Variants in SYT16 observed in about 807,000 individuals in gnomAD.
SYT16 encodes synaptotagmin 16, also known as synaptotagmin-16.
Under a neutral mutation model 61.4 loss-of-function variants are expected in SYT16, and 42 were observed. The ratio of observed to expected loss-of-function variants is 0.68; its 90% CI spans 0.53 to 0.89. SYT16 has a LOEUF of 0.89. Among genes scored for constraint, SYT16 ranks in the 40% least tolerant of loss-of-function variants. The probability of loss-of-function intolerance (pLI) is 0.00; values close to 1 mark genes in which losing one functional copy is unlikely to be tolerated. For missense variants in SYT16, 804 were observed against 807.3 expected, an observed-to-expected ratio of 1.00 and a Z score of 0.05; for synonymous variants, 314 against 302.3, an observed-to-expected ratio of 1.04 and a Z score of -0.40.
At chr14:61,850,516 T>A (rs1357566569) in intron 1 of SYT16, among the ~76,000 whole-genome samples, 1 of 152,214 alleles carries the variant, frequency 6.6e-6, no homozygotes, top group Non-Finnish European at 1.5e-5. Flanking sequence ...TTTTAAGAAG[T>A]GTACATATCA....
intron 2 of SYT16, among the ~76,000 whole-genome samples, chr14:61,976,215 C>T (rs1454607110): frequency 6.6e-6 from 1 of 152,228 alleles, no homozygotes; most frequent in Admixed American, 6.5e-5. Context: ...TCCTGTGGCT[C>T]TGCAGGGTTC....
intron 1 of SYT16, among the ~76,000 whole-genome samples, chr14:61,827,787 T>C (rs1303789343): frequency 4.0e-5 from 6 of 151,064 alleles, no homozygotes; most frequent in Non-Finnish European, 8.8e-5. Flanking sequence ...TTAGAATCAA[T>C]ATTTCACCAC....
intron 1 of SYT16, among the ~76,000 whole-genome samples, chr14:61,927,770 G>A (rs1025678417): frequency 6.6e-6 from 1 of 152,086 alleles, no homozygotes; most frequent in Admixed American, 6.6e-5. Context: ...TTGCACAGTT[G>A]GGGTACGTAT....
chr14:61,949,542 A>G (rs758732714), intron 1 of SYT16, among the ~76,000 whole-genome samples: 4 of 152,092 alleles, frequency 2.6e-5, no homozygotes, highest in Non-Finnish European at 4.4e-5. Flanking sequence ...TAAAGCCTTC[A>G]ACTCCTGGGC....
intron 1 of SYT16, among the ~76,000 whole-genome samples, chr14:61,882,880 A>G (rs968632314): frequency 6.6e-6 from 1 of 152,242 alleles, no homozygotes; most frequent in South Asian, 2.1e-4. Context: ...GCAAGTCTGA[A>G]ATCCAATAGG....
intron 1 of SYT16, among the ~76,000 whole-genome samples, chr14:61,940,410 A>G (rs1385751877): frequency 1.3e-5 from 2 of 152,112 alleles, no homozygotes; most frequent in Admixed American, 6.5e-5. Flanking sequence ...CAAATAAACA[A>G]CAACAAAAAA....
intron 1 of SYT16, among the ~76,000 whole-genome samples, chr14:61,862,047 C>T (rs1035872792): frequency 6.6e-6 from 1 of 152,156 alleles, no homozygotes; most frequent in Non-Finnish European, 1.5e-5. Context: ...ACAATATCTG[C>T]AAATCACAAT....
chr14:61,961,901 T>C (rs1403984936), intron 1 of SYT16, among the ~76,000 whole-genome samples: 3 of 152,036 alleles, frequency 2.0e-5, no homozygotes, highest in Non-Finnish European at 2.9e-5. Context: ...ATAAAGAAAA[T>C]GTGGTACATA....
At chr14:61,852,468 A>G (rs960175172) in intron 1 of SYT16, among the ~76,000 whole-genome samples, 6 of 152,210 alleles carry the variant, frequency 3.9e-5, no homozygotes, top group Non-Finnish European at 8.8e-5. Context: ...CATCAATGGT[A>G]GTTTAATAGG....
At chr14:62,056,838 G>T (rs1213300783) in intron 3 of SYT16, among the ~76,000 whole-genome samples, 3 of 152,226 alleles carry the variant, frequency 2.0e-5, no homozygotes, top group Non-Finnish European at 4.4e-5. Context: ...GTCCCAGCTT[G>T]CAGGGAGCTT....
intron 1 of SYT16, among the ~76,000 whole-genome samples, chr14:61,813,931 T>C (rs1171808469): frequency 6.6e-6 from 1 of 151,924 alleles, no homozygotes. Flanking sequence ...AGCTTTAGGA[T>C]AGTGTGGAGA....
At chr14:62,019,909 C>CA (rs1450007400) in intron 3 of SYT16, among the ~76,000 whole-genome samples, 1 of 152,228 alleles carries the variant, frequency 6.6e-6, no homozygotes, top group Admixed American at 6.5e-5. Flanking sequence ...ACAATCCCAT[C>CA]AAACACTAGT....
chr14:61,952,871 T>A (rs1041642450), intron 1 of SYT16, among the ~76,000 whole-genome samples: 8 of 152,178 alleles, frequency 5.3e-5, no homozygotes, highest in South Asian at 4.1e-4. Context: ...GGAAGAACAT[T>A]TAAGTGGAAT....
At chr14:61,838,857 C>T (rs1343453607) in intron 1 of SYT16, among the ~76,000 whole-genome samples, 1 of 152,024 alleles carries the variant, frequency 6.6e-6, no homozygotes, top group Non-Finnish European at 1.5e-5. Flanking sequence ...ATCATCATGC[C>T]CCATTGTGTT....
rs897869477 is a variant in SYT16 at position 62,031,711 on chromosome 14, A to G, written c.523+35169A>G. Among the ~76,000 whole-genome samples, 4 of 152,292 alleles carry G rather than the reference A, an allele frequency of 2.6e-5. No individual in the cohort carries two copies. In the East Asian group the frequency reaches 5.8e-4, roughly 22 times the overall value. ...CTTATGATTCATGTAATGACTCAAT[A>G]TAAGCTCAACTCCCTGGGTAAATTA... On this transcript the variant is annotated intron_variant, in intron 3 of 7. Transcript: ENST00000683842.
chr14:61,854,417 A>G (rs2046712075), intron 1 of SYT16, among the ~76,000 whole-genome samples: 2 of 152,248 alleles, frequency 1.3e-5, no homozygotes, highest in African/African-American at 4.8e-5. Flanking sequence ...AGTTTTAATC[A>G]TACTACACAC....
At chr14:61,887,445 A>G (rs1054935493) in intron 1 of SYT16, among the ~76,000 whole-genome samples, 1 of 152,344 alleles carries the variant, frequency 6.6e-6, no homozygotes. Context: ...CAGCATGTCC[A>G]TTGAAGCCTT....
intron 1 of SYT16, among the ~76,000 whole-genome samples, chr14:61,924,374 G>A (rs571300543): frequency 2.8e-4 from 43 of 152,306 alleles, no homozygotes; most frequent in African/African-American, 1.0e-3. Flanking sequence ...TCTTTCAGAT[G>A]AAATTGTTAA....
In SYT16 at chr14:62,102,902, T is replaced by A. The variant is rs1404762621; in HGVS notation, c.*2195T>A. The A allele has an allele frequency of 6.6e-6, 1 of 152,166 alleles. No homozygotes were observed. Among genetic ancestry groups the A allele is most frequent in the Admixed American group, 6.5e-5 (1 of 15,276 alleles). The allele number at this position is 152,166 out of a possible 1,614,324, so 9.4% of individuals were successfully genotyped here. A position where few individuals can be genotyped will look rare whatever the true frequency, so the allele number is the denominator to read the frequency against. On this transcript the variant is annotated 3_prime_UTR_variant, in exon 8 of 8. Coordinates refer to ENST00000683842, the MANE Select transcript of SYT16 (RefSeq NM_001367656.1). ...GTAGTGAAGATATTTGTGTGCTTGA[T>A]CTGCCTTCCAATGGTCTGTTTATGA...
Sources: allele counts gnomAD v4.1 joint callset (sites outside exome capture counted in the v4.1 genomes callset), GRCh38; gene constraint gnomAD v4.1.1; transcripts MANE v1.5; gene names NCBI Gene and HGNC (gene_info 2026-07-23, HGNC 2026-07-21).